Variants in FPR3 observed in about 807,000 individuals in gnomAD.
FPR3 encodes the protein N-formyl peptide receptor 3.
For synonymous variants in FPR3, 135 were observed against 163.6 expected, an observed-to-expected ratio of 0.83 and a Z score of 1.34; for missense variants, 346 against 443.2, an observed-to-expected ratio of 0.78 and a Z score of 1.97.
At chr19:51,816,615 T>G (rs1392166563) in intron 1 of FPR3, among the ~76,000 whole-genome samples, 1 of 152,230 alleles carries the variant, frequency 6.6e-6, no homozygotes, top group Non-Finnish European at 1.5e-5. Context: ...TGCATGCCAT[T>G]CTAGCAAATT....
intron 1 of FPR3, among the ~76,000 whole-genome samples, chr19:51,821,883 A>G (rs1446958726): frequency 9.2e-5 from 14 of 152,170 alleles, no homozygotes; most frequent in Non-Finnish European, 1.5e-5. Flanking sequence ...TTTGTGAACA[A>G]GTGCTGTATA....
intron 1 of FPR3, among the ~76,000 whole-genome samples, chr19:51,809,308 G>A (rs1269115720): frequency 6.6e-6 from 1 of 152,202 alleles, no homozygotes; most frequent in Admixed American, 6.5e-5. Context: ...ACTCCCACTA[G>A]GGATGTAGAA....
intron 1 of FPR3, among the ~76,000 whole-genome samples, chr19:51,801,261 C>G (rs946803677): frequency 3.3e-5 from 5 of 151,590 alleles, no homozygotes; most frequent in Admixed American, 3.3e-4. Context: ...ATGGGGGTGA[C>G]AAAAGGAAAT....
chr19:51,817,828 A>T (rs2084151454), intron 1 of FPR3: 1 of 152,244 alleles, frequency 6.6e-6, no homozygotes, highest in Non-Finnish European at 1.5e-5. Context: ...AAAGGAACTC[A>T]GCTAGTGGTA....
rs2084227721 is a variant in FPR3, at chr19:51,825,698, G to A, written c.*888G>A. Reference sequence around the variant, plus strand: ...TGGTCACATTGAGTCATTCCAGGATGAGTGGCTCAAGTATTTCCTCAGGGA... The same window carrying A: ...TGGTCACATTGAGTCATTCCAGGATAAGTGGCTCAAGTATTTCCTCAGGGA... On this transcript the variant is annotated 3_prime_UTR_variant, in exon 2 of 2. Coordinates refer to ENST00000339223, the MANE Select transcript of FPR3 (RefSeq NM_002030.5). 1 of 167,102 alleles carries A rather than the reference G, an allele frequency of 6.0e-6. No individual in the cohort carries two copies. Among genetic ancestry groups the A allele is most frequent in the Non-Finnish European group, 1.5e-5 (1 of 68,130 alleles). The allele number at this position is 167,102 out of a possible 1,614,324, so 10.4% of individuals were successfully genotyped here. A position where few individuals can be genotyped will look rare whatever the true frequency, so the allele number is the denominator to read the frequency against.
intron 1 of FPR3, among the ~76,000 whole-genome samples, chr19:51,795,813 A>G (rs1293620467): frequency 6.6e-6 from 1 of 152,136 alleles, no homozygotes; most frequent in African/African-American, 2.4e-5. Context: ...GTGACTGGCC[A>G]ATTCTTTATC....
At chr19:51,815,616 C>T (rs975815824) in intron 1 of FPR3, among the ~76,000 whole-genome samples, 1 of 151,586 alleles carries the variant, frequency 6.6e-6, no homozygotes, top group African/African-American at 2.4e-5. Flanking sequence ...ACTTGTCATC[C>T]CAGCACTTTG....
intron 1 of FPR3, among the ~76,000 whole-genome samples, chr19:51,805,827 C>T (rs969628757): frequency 2.0e-5 from 3 of 152,128 alleles, no homozygotes; most frequent in Admixed American, 6.5e-5. Flanking sequence ...TAAGGCTCTA[C>T]GGGCACAATA....
rs148412847 is a variant in FPR3 at position 51,821,526 on chromosome 19, C to A, written c.-10-2213C>A. 1.3e-4 allele frequency among the ~76,000 whole-genome samples: 20 copies of A among 152,122 alleles called. No homozygotes were observed. The East Asian group carries it at 3.7e-3, about 28-fold the overall frequency. On this transcript the variant is annotated intron_variant, in intron 1 of 1. Coordinates refer to ENST00000339223, the MANE Select transcript of FPR3 (RefSeq NM_002030.5). ...TGTCTGTAGTGCCAACGTTGAGAAACCTTGAGCTACATTAAACAATGTCCC... is the reference window on the plus strand; with the variant it reads ...TGTCTGTAGTGCCAACGTTGAGAAAACTTGAGCTACATTAAACAATGTCCC...
Position 51,824,580 on chromosome 19 carries a change from A to G in FPR3, c.832A>G (p.Lys278Glu), listed in dbSNP as rs2084217996. ...LKEMLLNGKY[K>E]IILVLINPTS... Reference sequence around the variant, plus strand: ...AGAGATGTTGTTAAATGGCAAATACAAAATCATTCTTGTCCTGATTAACCC... The same window carrying G: ...AGAGATGTTGTTAAATGGCAAATACGAAATCATTCTTGTCCTGATTAACCC... Residue 278 changes from lysine to glutamate, a missense_variant, in exon 2 of 2, where the codon AAA (lysine) becomes GAA (glutamate). Coordinates refer to ENST00000339223, the MANE Select transcript of FPR3 (RefSeq NM_002030.5). The surrounding 1 kb of genome is among the most constrained non-coding windows in gnomAD (Gnocchi z 4.7). The G allele has an allele frequency of 6.2e-7, 1 of 1,614,208 alleles. No homozygotes were observed. Among genetic ancestry groups the G allele is most frequent in the African/African-American group, 1.3e-5 (1 of 75,058 alleles).
chr19:51,815,645 A>G (rs1599837375), intron 1 of FPR3, among the ~76,000 whole-genome samples: 1 of 152,060 alleles, frequency 6.6e-6, no homozygotes, highest in Non-Finnish European at 1.5e-5. Context: ...AGGTGGGCAG[A>G]TCGCTTTAAG....
At position 51,816,823 on chromosome 19, in the gene FPR3, G is replaced by A. The variant is rs188787459; in HGVS notation, c.-10-6916G>A. Among the ~76,000 whole-genome samples, 163 of 152,296 alleles carry A rather than the reference G, an allele frequency of 1.1e-3. 2 individuals carry two copies. The highest frequency in any genetic ancestry group is 1.7e-3 in the Non-Finnish European group (118 of 68,030). The stretch of plus-strand genomic sequence containing the variant: ...ATTTCATTGTAGGATAGACAGTGGT[G>A]TCTCCAGAGAATTGGAGACTTGCTC... On this transcript the variant is annotated intron_variant, in intron 1 of 1. Transcript: ENST00000339223.
chr19:51,802,821 T>G (rs568618276), intron 1 of FPR3, among the ~76,000 whole-genome samples: 2 of 152,378 alleles, frequency 1.3e-5, no homozygotes, highest in Non-Finnish European at 2.9e-5. Context: ...TTTTCAAATG[T>G]AATATCTGCC....
chr19:51,823,937 T>A lies in FPR3; in HGVS notation c.189T>A (p.Cys63Ter). The A allele has an allele frequency of 6.2e-7, 1 of 1,614,130 alleles. No homozygotes were observed. The highest frequency in any genetic ancestry group is 8.5e-7 in the Non-Finnish European group (1 of 1,180,008). ...TGACACGCACAGTCAACACCATCTGTTACCTGAACCTGGCCCTAGCTGACT... is the reference window on the plus strand; with the variant it reads ...TGACACGCACAGTCAACACCATCTGATACCTGAACCTGGCCCTAGCTGACT... ...FRMTRTVNTI[C>*]YLNLALADFS... Residue 63 changes from cysteine to a stop codon, truncating the protein, a stop_gained, in exon 2 of 2, where the codon TGT becomes TGA. Transcript: ENST00000339223. LOFTEE classifies it low-confidence loss of function (END_TRUNC).
At chr19:51,812,227 A>G (rs2084102193) in intron 1 of FPR3, among the ~76,000 whole-genome samples, 1 of 152,226 alleles carries the variant, frequency 6.6e-6, no homozygotes, top group African/African-American at 2.4e-5. Context: ...GATAGTTAAT[A>G]TGGCCCAACG....
chr19:51,823,312 T>C (rs2084204324), intron 1 of FPR3, among the ~76,000 whole-genome samples: 1 of 152,178 alleles, frequency 6.6e-6, no homozygotes, highest in South Asian at 2.1e-4. Flanking sequence ...GCTGGGAGAC[T>C]GGGAGAGCAT....
chr19:51,822,629 T>A (rs1426280815), intron 1 of FPR3, among the ~76,000 whole-genome samples: 2 of 152,210 alleles, frequency 1.3e-5, no homozygotes, highest in African/African-American at 2.4e-5. Context: ...ACAGAGCTAC[T>A]ATGCAGACCA....
At chr19:51,802,757 A>T (rs2084032734) in intron 1 of FPR3, among the ~76,000 whole-genome samples, 1 of 152,200 alleles carries the variant, frequency 6.6e-6, no homozygotes, top group Admixed American at 6.5e-5. Context: ...TTCTATTCTT[A>T]CTTTTTAAGA....
In FPR3 at chr19:51,823,983, C is replaced by A. The variant is rs769430733; in HGVS notation, c.235C>A (p.Pro79Thr). The change falls in exon 2 of 2, where the codon CCA (proline) becomes ACA (threonine). Residue 79 changes from proline (P) to threonine (T), a missense_variant. By Grantham distance (38) the Pro-to-Thr change is conservative. Transcript: ENST00000339223. ...LADFSFSAIL[P>T]FRMVSVAMRE... ...TGACTTCTCTTTCAGTGCCATCCTA[C>A]CATTCCGAATGGTCTCAGTCGCCAT... The A allele has an allele frequency of 2.2e-5, 36 of 1,613,978 alleles. No homozygotes were observed. Among genetic ancestry groups the A allele is most frequent in the Non-Finnish European group, 2.9e-5 (34 of 1,179,990 alleles).
Sources: allele counts gnomAD v4.1 joint callset (sites outside exome capture counted in the v4.1 genomes callset), GRCh38; gene constraint gnomAD v4.1.1; non-coding constraint Gnocchi (gnomAD v3.1); transcripts MANE v1.5; gene names NCBI Gene and HGNC (gene_info 2026-07-23, HGNC 2026-07-21).